ADAM9: variants seen among roughly 807,000 people sequenced by gnomAD.
ADAM9 encodes ADAM metallopeptidase domain 9, also known as disintegrin and metalloproteinase domain-containing protein 9.
In ADAM9, 54 loss-of-function variants were observed where a neutral mutation model predicts 108.1. The ratio of observed to expected loss-of-function variants is 0.50; its 90% CI spans 0.40 to 0.63. The LOEUF (loss-of-function observed/expected upper bound fraction) is 0.63, where lower values mean the gene tolerates loss of function less well. Among genes scored for constraint, ADAM9 ranks in the 20% least tolerant of loss-of-function variants. The probability of loss-of-function intolerance (pLI) is 0.00; values close to 1 mark genes in which losing one functional copy is unlikely to be tolerated. For missense variants in ADAM9, 830 were observed against 997.7 expected (o/e 0.83, Z 2.26); for synonymous variants, 316 against 336.0 (o/e 0.94, Z 0.65).
At chr8:39,059,725 C>T (rs1037510163) in intron 14 of ADAM9, among the ~76,000 whole-genome samples, 1 of 152,242 alleles carries the variant, frequency 6.6e-6, no homozygotes, top group African/African-American at 2.4e-5. Context: ...CAACCAGGTG[C>T]ACTTCAGGGA....
chr8:39,091,778 T>C (rs1839363871), intron 20 of ADAM9, among the ~76,000 whole-genome samples: 1 of 152,182 alleles, frequency 6.6e-6, no homozygotes, highest in Admixed American at 6.5e-5. Flanking sequence ...TGAGCCACTG[T>C]GCCCTGCCCC....
chr8:39,018,342 A>G (rs1836614687), intron 6 of ADAM9, among the ~76,000 whole-genome samples: 1 of 152,216 alleles, frequency 6.6e-6, no homozygotes, highest in Non-Finnish European at 1.5e-5. Context: ...CTTCGCATGA[A>G]TTTCTGTAAA....
At chr8:39,044,289 A>G (rs950531723) in intron 12 of ADAM9, among the ~76,000 whole-genome samples, 2 of 152,074 alleles carry the variant, frequency 1.3e-5, no homozygotes, top group South Asian at 2.1e-4. Flanking sequence ...TAAGGTTCCA[A>G]TTTCATTCTT....
intron 1 of ADAM9, among the ~76,000 whole-genome samples, chr8:39,003,161 A>G (rs1439118916): frequency 6.6e-6 from 1 of 152,238 alleles, no homozygotes; most frequent in Non-Finnish European, 1.5e-5. Context: ...TTGTGTTTAA[A>G]ATGCAAAAGA....
rs1158702928 is a variant in ADAM9 at position 39,036,840 on chromosome 8, G to A, written c.1131-5106G>A. 2.0e-5 allele frequency among the ~76,000 whole-genome samples: 3 copies of A among 151,154 alleles called. No individual in the cohort carries two copies. The East Asian group carries it at 5.8e-4, about 29-fold the overall frequency. On this transcript the variant is annotated intron_variant, in intron 11 of 21. Coordinates refer to ENST00000487273, the MANE Select transcript of ADAM9 (RefSeq NM_003816.3). The stretch of plus-strand genomic sequence containing the variant: ...GTCTATGATTTTGTTATGCTTTTTA[G>A]TTCTATAGTCAATTCATGTGGGTGA...
chr8:39,045,283 T>TATGTGTGTACACCTATAC (rs1837666475), intron 12 of ADAM9, among the ~76,000 whole-genome samples: 1 of 100,124 alleles, frequency 1.0e-5, no homozygotes, highest in African/African-American at 4.5e-5. Flanking sequence ...TACATATGTA[T>TATGTGTGTACACCTATAC]ATGTGTGTGT....
At chr8:39,025,423 C>T (rs1403810781) in intron 9 of ADAM9, among the ~76,000 whole-genome samples, 2 of 152,276 alleles carry the variant, frequency 1.3e-5, no homozygotes, top group East Asian at 3.9e-4. Context: ...GTTCACCCTG[C>T]TCACTGCCCT....
intron 1 of ADAM9, among the ~76,000 whole-genome samples, 189 bp downstream of exon 1, chr8:38,997,349 C>T (rs1448032766): frequency 2.0e-5 from 3 of 152,092 alleles, no homozygotes; most frequent in Admixed American, 2.0e-4. Context: ...CGCCCCAAGC[C>T]CTTCTTGGCC....
intron 4 of ADAM9, chr8:39,014,736 T>A (rs1836470321): frequency 3.8e-6 from 2 of 531,620 alleles, no homozygotes; most frequent in African/African-American, 3.9e-5. Flanking sequence ...TTTATTTTTC[T>A]TCTGAACTTT....
intron 11 of ADAM9, among the ~76,000 whole-genome samples, chr8:39,032,074 G>A (rs898376374): frequency 6.6e-6 from 1 of 152,244 alleles, no homozygotes; most frequent in Non-Finnish European, 1.5e-5. Flanking sequence ...GCCTGTGTGA[G>A]GTGTCATTGG....
At chr8:39,047,664 G>A (rs1837816528) in intron 12 of ADAM9, among the ~76,000 whole-genome samples, 1 of 151,786 alleles carries the variant, frequency 6.6e-6, no homozygotes, top group African/African-American at 2.4e-5. Context: ...CTGATTTTGA[G>A]TCTTCTCTTT....
rs566868787 is a variant in ADAM9 at position 39,074,868 on chromosome 8, C to T, written c.1698-2360C>T. 6.3e-4 allele frequency among the ~76,000 whole-genome samples: 94 copies of T among 149,316 alleles called. 3 individuals carry two copies. The South Asian group carries it at 0.018, about 29-fold the overall frequency. ...TTGCTTAACTTATGTCTCTATCATC[C>T]GAATTTTATTTAAATCAGAAGTTAA... On this transcript the variant is annotated intron_variant, in intron 15 of 21. Transcript: ENST00000487273.
chr8:39,100,340 A>G (rs1277245966), intron 20 of ADAM9, among the ~76,000 whole-genome samples: 1 of 151,702 alleles, frequency 6.6e-6, no homozygotes, highest in African/African-American at 2.4e-5. Flanking sequence ...ATACGAAAAA[A>G]AAATTAGCCA....
intron 12 of ADAM9, among the ~76,000 whole-genome samples, chr8:39,044,941 C>CATATGTATGTATATATGTGTGTG (rs1564295522): frequency 6.7e-5 from 10 of 148,356 alleles, no homozygotes; most frequent in South Asian, 2.1e-4. Context: ...TGCACACATA[C>CATATGTATGTATATATGTGTGTG]CTATGTATGT....
At chr8:39,031,341 G>C (rs946575674) in intron 11 of ADAM9, among the ~76,000 whole-genome samples, 1 of 152,128 alleles carries the variant, frequency 6.6e-6, no homozygotes, top group Non-Finnish European at 1.5e-5. Context: ...TATTGCCTTT[G>C]CTCCTTTGTC....
At chr8:39,018,807 G>A (rs763505149) in intron 6 of ADAM9, 46 bp from the exon 7 acceptor site, 13 of 1,535,034 alleles carry the variant, frequency 8.5e-6, no homozygotes, top group Non-Finnish European at 1.2e-5. Context: ...TGTGATCATA[G>A]CCTTATAACT....
At chr8:39,050,329 A>G (rs1357113988) in intron 12 of ADAM9, among the ~76,000 whole-genome samples, 1 of 151,778 alleles carries the variant, frequency 6.6e-6, no homozygotes, top group Non-Finnish European at 1.5e-5. Flanking sequence ...TTCAACCACT[A>G]CCTCTTTGAA....
chr8:39,043,099 T>A (rs1428637820), intron 12 of ADAM9, among the ~76,000 whole-genome samples: 1 of 152,204 alleles, frequency 6.6e-6, no homozygotes. Flanking sequence ...CAAGATTTCC[T>A]TCTTTTTTGG....
intron 14 of ADAM9, among the ~76,000 whole-genome samples, chr8:39,061,227 G>T (rs537158931): frequency 2.8e-4 from 42 of 152,234 alleles, no homozygotes; most frequent in African/African-American, 9.9e-4. Flanking sequence ...GGTTCCACCT[G>T]GCCTTTCTTA....
Sources: allele counts gnomAD v4.1 joint callset (sites outside exome capture counted in the v4.1 genomes callset), GRCh38; gene constraint gnomAD v4.1.1; transcripts MANE v1.5; gene names NCBI Gene and HGNC (gene_info 2026-07-23, HGNC 2026-07-21).